NT5C2: variants seen among roughly 807,000 people sequenced by gnomAD.
NT5C2 encodes cytosolic purine 5'-nucleotidase.
Under a neutral mutation model 76.1 loss-of-function variants are expected in NT5C2, and 58 were observed. That is an observed-to-expected ratio of 0.76 (90% confidence interval 0.62 to 0.95). The LOEUF (loss-of-function observed/expected upper bound fraction) is 0.95, where lower values mean the gene tolerates loss of function less well. Ranked by LOEUF, NT5C2 falls within the 40% of genes least tolerant of loss-of-function variation. The probability of loss-of-function intolerance (pLI) is 0.00; values close to 1 mark genes in which losing one functional copy is unlikely to be tolerated. For synonymous variants in NT5C2, 229 were observed against 237.4 expected (o/e 0.96, Z 0.32); for missense variants, 478 against 690.3 (o/e 0.69, Z 3.45).
At chr10:103,114,780 A>G (rs76434907) in intron 4 of NT5C2, among the ~76,000 whole-genome samples, 1 of 152,226 alleles carries the variant, frequency 6.6e-6, no homozygotes, top group South Asian at 2.1e-4. Flanking sequence ...AAGAACCTCT[A>G]TGTGGTAACT....
At chr10:103,173,601 G>A (rs1311809975) in intron 3 of NT5C2, among the ~76,000 whole-genome samples, 4 of 118,672 alleles carry the variant, frequency 3.4e-5, no homozygotes, top group Non-Finnish European at 6.8e-5. Flanking sequence ...CAGGGAGCGA[G>A]ACGCCGTCTC....
At chr10:103,192,353 A>G (rs891302305) in intron 1 of NT5C2, among the ~76,000 whole-genome samples, 2 of 152,156 alleles carry the variant, frequency 1.3e-5, no homozygotes, top group Non-Finnish European at 2.9e-5. Flanking sequence ...TCAAACATCA[A>G]GGCCCTAAAG....
chr10:103,191,845 A>G (rs2092668984), intron 1 of NT5C2, among the ~76,000 whole-genome samples: 2 of 152,200 alleles, frequency 1.3e-5, no homozygotes, highest in African/African-American at 4.8e-5. Flanking sequence ...TTACACTGCA[A>G]TGGAAATGCA....
chr10:103,104,095 C>T (rs2070534708), intron 6 of NT5C2, among the ~76,000 whole-genome samples: 1 of 152,220 alleles, frequency 6.6e-6, no homozygotes. Flanking sequence ...GTCTTCTTGC[C>T]TTGTCCTCCC....
At chr10:103,096,627 C>T (rs1158906614) in intron 11 of NT5C2, among the ~76,000 whole-genome samples, 6 of 151,824 alleles carry the variant, frequency 4.0e-5, no homozygotes, top group Admixed American at 1.3e-4. Context: ...GGGTGGATCA[C>T]GAGGTCAGGA....
intron 3 of NT5C2, among the ~76,000 whole-genome samples, chr10:103,140,647 C>T (rs187483361): frequency 2.8e-4 from 42 of 152,328 alleles, no homozygotes; most frequent in Non-Finnish European, 4.7e-4. Context: ...TTTACATTGC[C>T]ACCAACAGTG....
At chr10:103,161,843 G>C (rs548419256) in intron 3 of NT5C2, among the ~76,000 whole-genome samples, 8 of 152,270 alleles carry the variant, frequency 5.3e-5, no homozygotes, top group Admixed American at 4.6e-4. Context: ...ATTCCATAGA[G>C]ACAGAAAGTA....
chr10:103,094,116 C>T lies in NT5C2; in HGVS notation c.922-78G>A. ...CCCTCACCCCACAACCCTCCCATCC[C>T]ACCCCCCACCACCAGTGCTACTTGG... is the stretch of plus-strand genomic sequence containing the variant. On this transcript the variant is annotated intron_variant, in intron 13 of 18. Coordinates refer to ENST00000404739, the MANE Select transcript of NT5C2 (RefSeq NM_001351169.2). The T allele has an allele frequency of 2.8e-6, 3 of 1,059,844 alleles. No individual in the cohort carries two copies. The East Asian group carries it at 7.5e-5, about 27-fold the overall frequency. The allele number at this position is 1,059,844 out of a possible 1,614,324, so 65.7% of individuals were successfully genotyped here.
chr10:103,157,902 G>T (rs972177846), intron 3 of NT5C2, among the ~76,000 whole-genome samples: 5 of 151,806 alleles, frequency 3.3e-5, no homozygotes, highest in Non-Finnish European at 2.9e-5. Context: ...GGGAAACCCC[G>T]TCTCTACTAA....
intron 3 of NT5C2, among the ~76,000 whole-genome samples, chr10:103,168,836 A>G (rs893637886): frequency 1.3e-5 from 2 of 152,344 alleles, no homozygotes; most frequent in South Asian, 4.1e-4. Context: ...CTAAAGGGAA[A>G]TTGTAAAGCA....
At position 103,101,514 on chromosome 10, in the gene NT5C2, A is replaced by ATT. The variant is rs201575845; in HGVS notation, c.390-190_390-189dup. Among the ~76,000 whole-genome samples, 528 of 143,676 alleles carry ATT rather than the reference A, an allele frequency of 3.7e-3. 4 individuals are homozygous for ATT. The highest frequency in any genetic ancestry group is 8.3e-3 in the African/African-American group (325 of 38,944). The allele number at this position is 143,676 out of a possible 152,430, so 94.3% of individuals were successfully genotyped here. ...CAGCTCTTTATTTTTTTTAATTTTAATTTTTTTTTTTTTTTAAGACAGTCT... is the reference window on the plus strand; with the variant it reads ...CAGCTCTTTATTTTTTTTAATTTTAATTTTTTTTTTTTTTTTTAAGACAGTCT... On this transcript the variant is annotated intron_variant, in intron 6 of 18. Coordinates refer to ENST00000404739, the MANE Select transcript of NT5C2 (RefSeq NM_001351169.2).
At chr10:103,091,102 G>A (rs1030167018) in intron 16 of NT5C2, 106 bp from the exon 17 acceptor site, 15 of 916,488 alleles carry the variant, frequency 1.6e-5, no homozygotes, top group Non-Finnish European at 2.2e-5. Context: ...GGGTGTGATC[G>A]CGGCTCACTG....
At chr10:103,129,035 G>GC (rs911977591) in intron 4 of NT5C2, among the ~76,000 whole-genome samples, 6 of 113,466 alleles carry the variant, frequency 5.3e-5, no homozygotes, top group African/African-American at 1.3e-4. Flanking sequence ...TGGGGGGTCA[G>GC]CCCCCCCGAC....
chr10:103,166,429 C>CT (rs2086397379), intron 3 of NT5C2, among the ~76,000 whole-genome samples: 1 of 152,298 alleles, frequency 6.6e-6, no homozygotes, highest in South Asian at 2.1e-4. Flanking sequence ...GCATAATTCT[C>CT]TTGAGATATA....
intron 3 of NT5C2, 103 bp from the exon 4 acceptor site, chr10:103,139,582 C>G (rs147976353): frequency 1.2e-6 from 1 of 825,856 alleles, no homozygotes. Flanking sequence ...TTTATTTTTC[C>G]AATTGATTTT....
chr10:103,153,303 A>T (rs1050776436), intron 3 of NT5C2: 45 of 1,281,984 alleles, frequency 3.5e-5, no homozygotes, highest in Non-Finnish European at 4.3e-5. Context: ...TTCCTTAGAC[A>T]TTCTCAAAGA....
intron 3 of NT5C2, among the ~76,000 whole-genome samples, chr10:103,143,602 ATTTTTTTTTTTTTTTTT>A (rs67395221): frequency 3.7e-5 from 2 of 53,822 alleles, no homozygotes; most frequent in Non-Finnish European, 6.3e-5. Context: ...ATGTCCAGCT[ATTTTTTTTTTTTTTTTT>A]TTTTTTTTTT....
At chr10:103,109,914 A>G (rs1219585511) in intron 4 of NT5C2, among the ~76,000 whole-genome samples, 2 of 152,250 alleles carry the variant, frequency 1.3e-5, no homozygotes, top group Non-Finnish European at 2.9e-5. Flanking sequence ...TAAAAACACT[A>G]TACTTGCCAC....
chr10:103,169,959 T>C (rs11191587), intron 3 of NT5C2, among the ~76,000 whole-genome samples: 14,354 of 152,040 alleles, frequency 0.094, 890 homozygotes, highest in East Asian at 0.28. Flanking sequence ...ACCCAGTCTC[T>C]AAAAATACAA....
Sources: gnomAD v4.1 joint callset for allele counts (sites outside exome capture counted in the v4.1 genomes callset) on GRCh38, gnomAD v4.1.1 for gene constraint, MANE v1.5 for transcripts, NCBI Gene and HGNC (gene_info 2026-07-23, HGNC 2026-07-21) for gene names.